Variants in MYO18B observed in about 807,000 individuals in gnomAD.
The protein encoded by MYO18B is myosin XVIIIB.
MYO18B carries 204 observed loss-of-function variants against 273.0 expected under a neutral mutation model. That is an observed-to-expected ratio of 0.75 (90% CI 0.67 to 0.84). MYO18B has a LOEUF of 0.84. MYO18B is among the 40% of genes least tolerant of loss of function. The probability of loss-of-function intolerance (pLI) is 0.00; values close to 1 mark genes in which losing one functional copy is unlikely to be tolerated. For synonymous variants in MYO18B, 1,330 were observed against 1,305.7 expected (o/e 1.02, Z -0.40); for missense variants, 3,212 against 3,287.6 (o/e 0.98, Z 0.56).
At chr22:25,876,479 T>A in intron 24 of MYO18B, 147 bp downstream of exon 24, 1 of 839,916 alleles carries the variant, frequency 1.2e-6, no homozygotes, top group Non-Finnish European at 1.7e-6. Flanking sequence ...CTTCCAGATG[T>A]TCCTCTGCCT....
At position 25,764,809 on chromosome 22, in the gene MYO18B, A is replaced by G. The variant is rs764450615; in HGVS notation, c.198+1420A>G. 3.3e-5 allele frequency among the ~76,000 whole-genome samples: 5 copies of G among 152,244 alleles called. No homozygotes were observed. The East Asian group carries it at 5.8e-4, about 18-fold the overall frequency. On this transcript the variant is annotated intron_variant, in intron 3 of 43. Transcript: ENST00000335473. ...TCCAGACAATGCTGCTTTGCTGCTCATGGGCTCATTTAATACCCCGTGCAG... is the reference window on the plus strand; with the variant it reads ...TCCAGACAATGCTGCTTTGCTGCTCGTGGGCTCATTTAATACCCCGTGCAG...
At chr22:25,847,906 CTG>C (rs1206683501) in intron 20 of MYO18B, among the ~76,000 whole-genome samples, 1 of 146,378 alleles carries the variant, frequency 6.8e-6, no homozygotes, top group Non-Finnish European at 1.5e-5. Flanking sequence ...CTGAAGCCCA[CTG>C]TTTTTTTTTT....
At position 25,890,742 on chromosome 22, in the gene MYO18B, AT is replaced by A. The variant is rs756388779; in HGVS notation, c.4315-12del. The A allele has an allele frequency of 8.1e-6, 13 of 1,613,754 alleles. No individual in the cohort carries two copies. Among genetic ancestry groups the A allele is most frequent in the Non-Finnish European group, 1.1e-5 (13 of 1,179,804 alleles). ...CGAGTGACCGTTCCTTGATCACCCC[AT>A]TCCCCATCTCAGATTGCTGACTTGA... On this transcript the variant is annotated splice_polypyrimidine_tract_variant and intron_variant, in intron 25 of 43. Transcript: ENST00000335473.
intron 34 of MYO18B, among the ~76,000 whole-genome samples, chr22:25,939,236 A>G (rs1267268471): frequency 6.6e-6 from 1 of 152,214 alleles, no homozygotes; most frequent in Non-Finnish European, 1.5e-5. Context: ...CTTGCATAGA[A>G]AAAGGGAAGT....
At chr22:25,760,434 A>AAAACAAC (rs59165419) in intron 1 of MYO18B, among the ~76,000 whole-genome samples, 1 of 111,530 alleles carries the variant, frequency 9.0e-6, no homozygotes, top group East Asian at 3.3e-4. Context: ...AAAAAAAAAA[A>AAAACAAC]CACAAAAACA....
intron 11 of MYO18B, among the ~76,000 whole-genome samples, chr22:25,785,777 C>A (rs972094953): frequency 6.6e-6 from 1 of 152,180 alleles, no homozygotes; most frequent in Non-Finnish European, 1.5e-5. Flanking sequence ...GTAGGTGAAC[C>A]TCAGGCATGG....
At chr22:26,055,320 A>G in the MYO18B span, among the ~76,000 whole-genome samples, 1 of 152,206 alleles carries the variant, frequency 6.6e-6, no homozygotes, top group Non-Finnish European at 1.5e-5. Flanking sequence ...GCTTTTAAGT[A>G]TAACCTCATT....
At chr22:25,852,615 C>G (rs1243176412) in intron 21 of MYO18B, among the ~76,000 whole-genome samples, 1 of 152,170 alleles carries the variant, frequency 6.6e-6, no homozygotes, top group Non-Finnish European at 1.5e-5. Flanking sequence ...TCATAACAGC[C>G]CTGCAAAAGA....
At position 25,780,940 on chromosome 22, in the gene MYO18B, C is replaced by T. The variant is rs114186032; in HGVS notation, c.2211+742C>T. On this transcript the variant is annotated intron_variant, in intron 9 of 43. Transcript: ENST00000335473. ...CTCCAAAATCACCCATACTCCTCCC[C>T]GTCTCCCTCAAACATCCTGTTTGAA... 4.1e-3 allele frequency among the ~76,000 whole-genome samples: 623 copies of T among 152,310 alleles called. 6 individuals are homozygous for T. The highest frequency in any genetic ancestry group is 0.013 in the African/African-American group (539 of 41,568).
intron 23 of MYO18B, 122 bp from the exon 24 acceptor site, chr22:25,876,067 C>T (rs2091187103): frequency 6.2e-6 from 5 of 807,196 alleles, no homozygotes; most frequent in Non-Finnish European, 7.8e-6. Flanking sequence ...GGTATCCAGT[C>T]CCTTCCACCG....
At chr22:25,891,186 A>G in intron 26 of MYO18B, 118 bp from the exon 27 acceptor site, 2 of 790,220 alleles carry the variant, frequency 2.5e-6, no homozygotes, top group Non-Finnish European at 4.1e-6. Context: ...TGGATTCTGC[A>G]TGGCTCAGGG....
At chr22:25,923,960 G>A (rs1299169203) in intron 34 of MYO18B, among the ~76,000 whole-genome samples, 4 of 152,060 alleles carry the variant, frequency 2.6e-5, no homozygotes, top group East Asian at 1.9e-4. Context: ...TAATGAAGGC[G>A]CTTTGAGCTG....
At chr22:26,042,535 A>G in the MYO18B span, among the ~76,000 whole-genome samples, 2 of 152,264 alleles carry the variant, frequency 1.3e-5, no homozygotes, top group Non-Finnish European at 2.9e-5. Context: ...AGGCAGAATT[A>G]GTTCCCAAGT....
At chr22:25,873,072 C>G (rs1306311330) in intron 22 of MYO18B, among the ~76,000 whole-genome samples, 3 of 152,218 alleles carry the variant, frequency 2.0e-5, no homozygotes, top group South Asian at 4.1e-4. Context: ...TTGGCAGGAG[C>G]AGGCCTGGCC....
chr22:25,850,640 C>T (rs1051910787), intron 20 of MYO18B, among the ~76,000 whole-genome samples: 13 of 152,126 alleles, frequency 8.5e-5, no homozygotes, highest in Admixed American at 5.9e-4. Flanking sequence ...TGCAGTGGCA[C>T]GATCGTGGCT....
chr22:25,788,434 A>G (rs1211379797), intron 11 of MYO18B, among the ~76,000 whole-genome samples: 1 of 152,200 alleles, frequency 6.6e-6, no homozygotes, highest in Non-Finnish European at 1.5e-5. Flanking sequence ...ATGTTTTAGT[A>G]TAAGCATGTC....
intron 35 of MYO18B, among the ~76,000 whole-genome samples, 170 bp from the exon 36 acceptor site, chr22:25,947,529 CACACACACACACA>C (rs2092727893): frequency 4.1e-5 from 6 of 146,438 alleles, no homozygotes; most frequent in African/African-American, 1.6e-4. Context: ...CACACACACA[CACACACACACACA>C]CCAAGCTGTT....
chr22:26,013,093 C>T (rs754883568), intron 42 of MYO18B, among the ~76,000 whole-genome samples: 1 of 135,070 alleles, frequency 7.4e-6, no homozygotes, highest in Non-Finnish European at 1.6e-5. Flanking sequence ...TGTGTCTGGC[C>T]TCTTTCTTTC....
In MYO18B at chr22:25,769,071, AG is replaced by A; in HGVS notation, c.1157del (p.Gly386ValfsTer37). 1.9e-6 allele frequency: 3 copies of A among 1,613,090 alleles called. No individual in the cohort carries two copies. Among genetic ancestry groups the A allele is most frequent in the Non-Finnish European group, 2.5e-6 (3 of 1,179,476 alleles). ...GELRSTTGKAGESWDKKEKMG... is the reference protein window; with the variant it reads ...GELRSTTGKAXESWDKKEKMG... ...AGCTTCGGAGCACGACTGGGAAGGC[AG>A]GTGAGTCCTGGGATAAGAAGGAAAA... On this transcript the variant is annotated frameshift_variant, in exon 4 of 44. Coordinates refer to ENST00000335473, the MANE Select transcript of MYO18B (RefSeq NM_032608.7). LOFTEE classifies it high-confidence loss of function.
Sources: allele counts gnomAD v4.1 joint callset (sites outside exome capture counted in the v4.1 genomes callset), GRCh38; gene constraint gnomAD v4.1.1; transcripts MANE v1.5; gene names NCBI Gene and HGNC (gene_info 2026-07-23, HGNC 2026-07-21).